Variants in CSMD1 observed in about 807,000 individuals in gnomAD.
CSMD1 encodes CUB and sushi domain-containing protein 1.
In CSMD1, 213 loss-of-function variants were observed where a neutral mutation model predicts 417.5. The ratio of observed to expected loss-of-function variants is 0.51; its 90% confidence interval spans 0.46 to 0.57. CSMD1 has a LOEUF of 0.57. Among genes scored for constraint, CSMD1 ranks in the 20% least tolerant of loss-of-function variants. CSMD1 has a pLI of 0.00. For missense variants in CSMD1, 6,923 were observed against 4,529.7 expected, an observed-to-expected ratio of 1.53 and a Z score of -15.17; for synonymous variants, 2,862 against 1,736.8, an observed-to-expected ratio of 1.65 and a Z score of -16.11.
intron 5 of CSMD1, among the ~76,000 whole-genome samples, chr8:3,975,412 G>T (rs190464297): frequency 6.6e-6 from 1 of 152,132 alleles, no homozygotes; most frequent in Admixed American, 6.5e-5. Context: ...TTTAATACTA[G>T]ATGATAACCA....
At chr8:4,883,659 A>C (rs1055955652) in intron 1 of CSMD1, among the ~76,000 whole-genome samples, 1 of 152,066 alleles carries the variant, frequency 6.6e-6, no homozygotes, top group Non-Finnish European at 1.5e-5. Flanking sequence ...TTAGTACTTT[A>C]TGCTTTTTAT....
chr8:4,382,510 C>G (rs1315755681), intron 3 of CSMD1, among the ~76,000 whole-genome samples: 1 of 152,172 alleles, frequency 6.6e-6, no homozygotes, highest in African/African-American at 2.4e-5. Flanking sequence ...GTTCACCGCT[C>G]TTCTTTTAAA....
chr8:4,296,636 C>T (rs1797699811), intron 3 of CSMD1, among the ~76,000 whole-genome samples: 2 of 147,640 alleles, frequency 1.4e-5, no homozygotes, highest in East Asian at 2.0e-4. Flanking sequence ...AGTTAATATT[C>T]ACTATTAACT....
At chr8:3,513,429 C>G (rs1015723803) in intron 10 of CSMD1, among the ~76,000 whole-genome samples, 2 of 151,542 alleles carry the variant, frequency 1.3e-5, no homozygotes, top group African/African-American at 4.9e-5. Context: ...CAGGATCAAG[C>G]ATTCTCCCGA....
At chr8:3,940,889 T>TC (rs5889002) in intron 5 of CSMD1, among the ~76,000 whole-genome samples, 123,533 of 150,584 alleles carry the variant, frequency 0.82, 50,796 homozygotes, top group African/African-American at 0.86. Context: ...ATCTCCCTTC[T>TC]CCCCCCGAGA....
chr8:3,034,073 T>C (rs574076753), intron 50 of CSMD1, among the ~76,000 whole-genome samples: 50 of 152,328 alleles, frequency 3.3e-4, no homozygotes, highest in African/African-American at 1.1e-3. Flanking sequence ...GCTGCCCACA[T>C]TGCTGGGTGG....
chr8:3,334,882 A>G (rs917473338), intron 23 of CSMD1, among the ~76,000 whole-genome samples: 19 of 152,356 alleles, frequency 1.2e-4, no homozygotes, highest in African/African-American at 4.1e-4. Context: ...GGGAGCTGCA[A>G]TGTGTCACCA....
intron 7 of CSMD1, among the ~76,000 whole-genome samples, chr8:3,688,989 A>C (rs1238956183): frequency 6.6e-6 from 1 of 152,176 alleles, no homozygotes; most frequent in Non-Finnish European, 1.5e-5. Context: ...TTCACTTTCG[A>C]GGCTCTGCAT....
At chr8:4,400,324 A>T (rs746994227) in intron 3 of CSMD1, among the ~76,000 whole-genome samples, 3 of 152,224 alleles carry the variant, frequency 2.0e-5, no homozygotes, top group Non-Finnish European at 4.4e-5. Context: ...GTCCCATAGG[A>T]AACTGTTTTG....
At chr8:3,428,661 G>C (rs1224521700) in intron 12 of CSMD1, among the ~76,000 whole-genome samples, 1 of 152,062 alleles carries the variant, frequency 6.6e-6, no homozygotes, top group Non-Finnish European at 1.5e-5. Flanking sequence ...TCTTATAAAA[G>C]TAAAAAAGAA....
chr8:4,518,627 G>GT (rs1803253896), intron 2 of CSMD1, among the ~76,000 whole-genome samples: 1 of 131,202 alleles, frequency 7.6e-6, no homozygotes, highest in Admixed American at 7.9e-5. Context: ...GGGGTGGGGG[G>GT]CGGGGGGAGG....
chr8:3,955,951 G>A (rs115932979), intron 5 of CSMD1, among the ~76,000 whole-genome samples: 2,759 of 152,156 alleles, frequency 0.018, 71 homozygotes, highest in African/African-American at 0.062. Flanking sequence ...CCAACACCAC[G>A]CCCAACTAAT....
chr8:4,130,328 T>A (rs1362781330), intron 3 of CSMD1, among the ~76,000 whole-genome samples: 2 of 152,166 alleles, frequency 1.3e-5, no homozygotes, highest in South Asian at 4.1e-4. Context: ...GCCTAAGGTC[T>A]TCTATTCCAA....
intron 23 of CSMD1, among the ~76,000 whole-genome samples, chr8:3,338,825 TAA>T (rs1299599658): frequency 6.8e-6 from 1 of 147,760 alleles, no homozygotes; most frequent in African/African-American, 2.5e-5. Flanking sequence ...TTTTTTTTTT[TAA>T]ATTTTTATTT....
chr8:4,797,358 C>CTCT (rs1798038547), intron 1 of CSMD1, among the ~76,000 whole-genome samples: 1 of 152,172 alleles, frequency 6.6e-6, no homozygotes, highest in Non-Finnish European at 1.5e-5. Flanking sequence ...AGAAAGGGAG[C>CTCT]ATCTGTGAAA....
At chr8:3,592,721 G>T (rs374202693) in intron 8 of CSMD1, among the ~76,000 whole-genome samples, 7 of 151,938 alleles carry the variant, frequency 4.6e-5, no homozygotes, top group Non-Finnish European at 8.8e-5. Flanking sequence ...AGTATGCACA[G>T]CTTTGATTTT....
At chr8:3,034,082 G>A (rs542783577) in intron 50 of CSMD1, among the ~76,000 whole-genome samples, 1 of 152,312 alleles carries the variant, frequency 6.6e-6, no homozygotes, top group East Asian at 1.9e-4. Context: ...ATTGCTGGGT[G>A]GAGCTCTCTG....
At chr8:3,381,877 G>C (rs964666961) in intron 18 of CSMD1, among the ~76,000 whole-genome samples, 1 of 152,118 alleles carries the variant, frequency 6.6e-6, no homozygotes, top group African/African-American at 2.4e-5. Context: ...ATGCAATTCT[G>C]TGTGTACCTG....
At chr8:3,294,878 A>C (rs1297123856) in intron 25 of CSMD1, among the ~76,000 whole-genome samples, 3 of 152,020 alleles carry the variant, frequency 2.0e-5, no homozygotes, top group African/African-American at 7.2e-5. Context: ...CCGGTACCTT[A>C]GTTGGAAATG....
Sources: allele counts gnomAD v4.1 joint callset (sites outside exome capture counted in the v4.1 genomes callset), GRCh38; gene constraint gnomAD v4.1.1; transcripts MANE v1.5; gene names NCBI Gene and HGNC (gene_info 2026-07-23, HGNC 2026-07-21).